MED27: variants seen among roughly 807,000 people sequenced by gnomAD.
The protein encoded by MED27 is mediator complex subunit 27.
In MED27, 30 loss-of-function variants were observed where a neutral mutation model predicts 38.2. The ratio of observed to expected loss-of-function variants is 0.79; its 90% CI spans 0.59 to 1.07. The LOEUF is 1.07. Ranked by LOEUF, MED27 falls within the 50% of genes least tolerant of loss-of-function variation. MED27 has a pLI of 0.00. For missense variants in MED27, 289 were observed against 397.5 expected, an observed-to-expected ratio of 0.73 and a Z score of 2.32; for synonymous variants, 122 against 153.5, an observed-to-expected ratio of 0.79 and a Z score of 1.52.
chr9:131,932,493 T>C lies in MED27; in HGVS notation c.573+6888A>G, dbSNP rs1564288147. ...TTAGTGGCTACTATGAGCAACTACA[T>C]GCCAATACATTGGAAAACCTCGAGG... On this transcript the variant is annotated intron_variant, in intron 4 of 7. Transcript: ENST00000292035. 2.0e-5 allele frequency among the ~76,000 whole-genome samples: 3 copies of C among 151,536 alleles called. No individual in the cohort carries two copies. In the South Asian group the frequency reaches 6.3e-4, roughly 32 times the overall value.
chr9:132,017,520 C>T (rs1832630137), intron 2 of MED27, among the ~76,000 whole-genome samples: 1 of 152,190 alleles, frequency 6.6e-6, no homozygotes, highest in East Asian at 1.9e-4. Context: ...AGATCCTCCA[C>T]TAACCGGGAG....
chr9:132,054,590 T>C (rs1833535506), intron 2 of MED27, among the ~76,000 whole-genome samples: 1 of 152,050 alleles, frequency 6.6e-6, no homozygotes, highest in African/African-American at 2.4e-5. Context: ...TTTTTTTGTA[T>C]TGTTTGTAGA....
Position 131,868,561 on chromosome 9 carries a change from CCACTGCGCCCGGCCCA to C in MED27, c.724-5437_724-5422del, listed in dbSNP as rs553397307. ...AAAGTGCTGGGATTACAGGCGTGCG[CCACTGCGCCCGGCCCA>C]CTATTCTGATTTACATTGGACAGAG... On this transcript the variant is annotated intron_variant, in intron 6 of 7. Transcript: ENST00000292035. The C allele has an allele frequency of 4.0e-4, 390 of 984,460 alleles. 3 individuals are homozygous for C. The African/African-American group carries it at 6.3e-3, about 16-fold the overall frequency. 61.0% of individuals were successfully genotyped at this position (984,460 alleles called of 1,614,324 possible).
chr9:131,968,233 A>C (rs1831395321), intron 3 of MED27, among the ~76,000 whole-genome samples: 1 of 152,126 alleles, frequency 6.6e-6, no homozygotes, highest in South Asian at 2.1e-4. Flanking sequence ...ACCACTCTGG[A>C]ATGCCAAGGT....
intron 2 of MED27, among the ~76,000 whole-genome samples, chr9:132,023,160 A>C (rs566428358): frequency 6.6e-6 from 1 of 152,186 alleles, no homozygotes; most frequent in Non-Finnish European, 1.5e-5. Context: ...GGAAGAACTA[A>C]ATATTCCCAT....
chr9:132,008,932 T>G (rs999787092), intron 3 of MED27, among the ~76,000 whole-genome samples: 1 of 152,208 alleles, frequency 6.6e-6, no homozygotes, highest in African/African-American at 2.4e-5. Context: ...GCATCTAGCA[T>G]TCTCAATGAA....
chr9:132,004,031 C>A (rs545493253), intron 3 of MED27, among the ~76,000 whole-genome samples: 4 of 152,254 alleles, frequency 2.6e-5, no homozygotes, highest in African/African-American at 9.6e-5. Flanking sequence ...CTCTCTCCCC[C>A]ACCAGGACTT....
chr9:131,916,082 C>T (rs534544241), intron 4 of MED27, among the ~76,000 whole-genome samples: 8 of 152,226 alleles, frequency 5.3e-5, no homozygotes, highest in South Asian at 4.1e-4. Context: ...TTAATTCAAT[C>T]GCCAACAGAA....
chr9:132,050,031 C>A (rs1833428969), intron 2 of MED27, among the ~76,000 whole-genome samples: 3 of 151,980 alleles, frequency 2.0e-5, no homozygotes, highest in African/African-American at 7.3e-5. Flanking sequence ...ATGGGATGGG[C>A]CTGATCATAC....
At chr9:132,004,202 G>A (rs1006558849) in intron 3 of MED27, among the ~76,000 whole-genome samples, 24 of 152,258 alleles carry the variant, frequency 1.6e-4, no homozygotes, top group African/African-American at 5.3e-4. Flanking sequence ...AACTGAGTAC[G>A]GTTCTCTCAA....
intron 2 of MED27, among the ~76,000 whole-genome samples, chr9:132,063,335 G>A (rs1013517032): frequency 5.3e-5 from 8 of 152,116 alleles, no homozygotes; most frequent in South Asian, 2.1e-4. Context: ...CCATCACTAC[G>A]TGACTGAGAA....
At chr9:131,956,263 G>C (rs1831096253) in intron 3 of MED27, among the ~76,000 whole-genome samples, 1 of 152,214 alleles carries the variant, frequency 6.6e-6, no homozygotes, top group South Asian at 2.1e-4. Context: ...CCAGGAGATG[G>C]TGGAGTGGGA....
chr9:131,884,607 T>G (rs1328315223), intron 5 of MED27, among the ~76,000 whole-genome samples: 29 of 78,980 alleles, frequency 3.7e-4, no homozygotes, highest in African/African-American at 1.6e-3. Context: ...TCTCTTTACT[T>G]TTTTTTTTTT....
At chr9:132,061,140 C>T (rs555160877) in intron 2 of MED27, among the ~76,000 whole-genome samples, 3 of 152,120 alleles carry the variant, frequency 2.0e-5, no homozygotes, top group African/African-American at 2.4e-5. Context: ...GAAAGGGGGG[C>T]GGCAAAAGGA....
chr9:131,923,753 A>T (rs1438988823), intron 4 of MED27, among the ~76,000 whole-genome samples: 1 of 151,794 alleles, frequency 6.6e-6, no homozygotes, highest in Non-Finnish European at 1.5e-5. Flanking sequence ...CCATCTACCC[A>T]CCCATAACCA....
At chr9:131,979,026 A>G (rs1348828967) in intron 3 of MED27, among the ~76,000 whole-genome samples, 2 of 152,236 alleles carry the variant, frequency 1.3e-5, no homozygotes, top group Non-Finnish European at 2.9e-5. Flanking sequence ...TCATCTTTAC[A>G]TACATAAGAT....
intron 3 of MED27, among the ~76,000 whole-genome samples, chr9:131,999,168 T>A (rs1346983191): frequency 6.6e-6 from 1 of 152,130 alleles, no homozygotes; most frequent in Non-Finnish European, 1.5e-5. Context: ...AGAGTTCCAT[T>A]CCTTTAAAAG....
intron 6 of MED27, among the ~76,000 whole-genome samples, chr9:131,878,111 C>T (rs1358793787): frequency 6.6e-6 from 1 of 151,766 alleles, no homozygotes; most frequent in Non-Finnish European, 1.5e-5. Flanking sequence ...CCCGTCTCTA[C>T]AAAAATACAA....
chr9:131,946,456 T>A (rs1302485132), intron 3 of MED27, among the ~76,000 whole-genome samples: 3 of 152,198 alleles, frequency 2.0e-5, no homozygotes, highest in Non-Finnish European at 4.4e-5. Context: ...CTGTTACTCA[T>A]CCTTCCAACA....
Sources: gnomAD v4.1 joint callset for allele counts (sites outside exome capture counted in the v4.1 genomes callset) on GRCh38, gnomAD v4.1.1 for gene constraint, MANE v1.5 for transcripts, NCBI Gene and HGNC (gene_info 2026-07-23, HGNC 2026-07-21) for gene names.